Variants in MYH14 observed in about 807,000 individuals in gnomAD.
MYH14 encodes myosin-14.
Under a neutral mutation model 255.5 loss-of-function variants are expected in MYH14, and 123 were observed. That is an observed-to-expected ratio of 0.48 (90% confidence interval 0.42 to 0.56). The LOEUF (loss-of-function observed/expected upper bound fraction) is 0.56, where lower values mean the gene tolerates loss of function less well. MYH14 is among the 20% of genes least tolerant of loss of function. The pLI, the probability that MYH14 is intolerant of heterozygous loss-of-function variation, is 0.00. For missense variants in MYH14, 2,423 were observed against 2,802.3 expected (o/e 0.86, Z 3.06); for synonymous variants, 1,095 against 1,161.2 (o/e 0.94, Z 1.16).
intron 16 of MYH14, 79 bp from the exon 17 acceptor site, chr19:50,255,141 C>T (rs2034543963): frequency 1.1e-6 from 1 of 913,322 alleles, no homozygotes; most frequent in African/African-American, 1.6e-5. Context: ...CTCTCCTTCC[C>T]CTCTTTTCAT....
chr19:50,225,610 A>T lies in MYH14; in HGVS notation c.743A>T (p.Gln248Leu). 3.1e-6 allele frequency: 5 copies of T among 1,613,344 alleles called. No homozygotes were observed. Among genetic ancestry groups the T allele is most frequent in the Non-Finnish European group, 4.2e-6 (5 of 1,179,770 alleles). The stretch of plus-strand genomic sequence containing the variant: ...GGTGAGCTGGAGCGGCAGCTGCTTC[A>T]GGCCAACCCCATCCTAGAGGCCTTT... ...SYGELERQLL[Q>L]ANPILEAFGN... The change falls in exon 7 of 43, where the codon CAG becomes CTG. Residue 248 changes from glutamine (Q) to leucine (L), a missense_variant. Coordinates refer to ENST00000642316, the MANE Select transcript of MYH14 (RefSeq NM_001145809.2).
chr19:50,251,055 C>T lies in MYH14; in HGVS notation c.1830+367C>T, dbSNP rs79651910. On this transcript the variant is annotated intron_variant, in intron 15 of 42. Coordinates refer to ENST00000642316, the MANE Select transcript of MYH14 (RefSeq NM_001145809.2). ...ATGGTTTCTGTCCTCACAAAGATCCCTATCTGGGAGGGAGGCAAATACAGA... is the reference window on the plus strand; with the variant it reads ...ATGGTTTCTGTCCTCACAAAGATCCTTATCTGGGAGGGAGGCAAATACAGA... 2.6e-5 allele frequency among the ~76,000 whole-genome samples: 4 copies of T among 152,202 alleles called. No homozygotes were observed. The East Asian group carries it at 7.7e-4, about 29-fold the overall frequency.
At chr19:50,223,859 G>C (rs1214884709) in intron 5 of MYH14, among the ~76,000 whole-genome samples, 1 of 152,158 alleles carries the variant, frequency 6.6e-6, no homozygotes, top group East Asian at 1.9e-4. Flanking sequence ...TGTAATCCCA[G>C]CAGTTTGGGA....
intron 17 of MYH14, among the ~76,000 whole-genome samples, chr19:50,257,091 TG>T (rs1260809169): frequency 1.3e-5 from 2 of 152,250 alleles, no homozygotes; most frequent in Non-Finnish European, 2.9e-5. Flanking sequence ...GTTTCTAAGC[TG>T]TGTGACCTTA....
Position 50,286,663 on chromosome 19 carries a change from T to C in MYH14, c.4721T>C (p.Leu1574Pro), listed in dbSNP as rs2035900881. The part of the protein sequence containing the change: ...NRALRAELEA[L>P]LSSKDDVGKS... ...GCCCTGCGGGCTGAGCTGGAGGCAC[T>C]GCTGAGCAGCAAGGATGACGTCGGC... The change falls in exon 34 of 43, where the codon CTG becomes CCG. Residue 1574 changes from leucine to proline, a missense_variant. This residue lies in a region of MYH14 where 1,513 missense variants were observed against 1,674.8 expected (regional missense o/e 0.90). Transcript: ENST00000642316. 1.3e-6 allele frequency: 2 copies of C among 1,583,160 alleles called. No homozygotes were observed. Among genetic ancestry groups the C allele is most frequent in the Non-Finnish European group, 1.7e-6 (2 of 1,165,768 alleles).
chr19:50,307,217 A>C, intron 41 of MYH14, 60 bp downstream of exon 41: 1 of 1,067,350 alleles, frequency 9.4e-7, no homozygotes. Context: ...GAGAAATTGC[A>C]CAGGCTGTCT....
Position 50,272,548 on chromosome 19 carries a change from C to T in MYH14, c.3296-12C>T, listed in dbSNP as rs770737083. The T allele has an allele frequency of 2.6e-5, 40 of 1,560,106 alleles. No homozygotes were observed. The African/African-American group carries it at 2.6e-4, about 10-fold the overall frequency. ...TGGAGTCCTCATGCACGGCCCCCACCCCTGCCTCCAGACCGCCTACGGAAG... is the reference window on the plus strand; with the variant it reads ...TGGAGTCCTCATGCACGGCCCCCACTCCTGCCTCCAGACCGCCTACGGAAG... On this transcript the variant is annotated splice_polypyrimidine_tract_variant and intron_variant, in intron 26 of 42. Coordinates refer to ENST00000642316, the MANE Select transcript of MYH14 (RefSeq NM_001145809.2).
At chr19:50,248,961 C>T in intron 12 of MYH14, 26 bp from the exon 13 acceptor site, 3 of 1,611,916 alleles carry the variant, frequency 1.9e-6, no homozygotes, top group Non-Finnish European at 2.5e-6. Context: ...GCAGGCTGCG[C>T]CCTTACCATG....
intron 40 of MYH14, among the ~76,000 whole-genome samples, chr19:50,306,452 T>TATCA (rs762260038): frequency 1.4e-4 from 21 of 152,204 alleles, no homozygotes; most frequent in Non-Finnish European, 2.2e-4. Flanking sequence ...CCAGATGTGA[T>TATCA]GGTCCATGCA....
chr19:50,248,523 G>T (rs374763298), intron 12 of MYH14, among the ~76,000 whole-genome samples: 88 of 152,304 alleles, frequency 5.8e-4, no homozygotes, highest in Middle Eastern at 3.4e-3. Flanking sequence ...AGACCCCGTG[G>T]GGGAGATGAG....
chr19:50,228,910 A>G (rs2033240782), intron 8 of MYH14, among the ~76,000 whole-genome samples: 1 of 152,180 alleles, frequency 6.6e-6, no homozygotes, highest in South Asian at 2.1e-4. Context: ...CTGCCGGGTA[A>G]GGAGCACCAC....
At chr19:50,223,461 G>T in intron 5 of MYH14, 112 bp downstream of exon 5, 3 of 788,948 alleles carry the variant, frequency 3.8e-6, no homozygotes, top group South Asian at 3.0e-5. Context: ...TCTCCTAGAC[G>T]CCTATGCCAC....
At chr19:50,292,624 T>TGCAA (rs2036123731) in intron 37 of MYH14, among the ~76,000 whole-genome samples, 1 of 152,050 alleles carries the variant, frequency 6.6e-6, no homozygotes, top group Non-Finnish European at 1.5e-5. Context: ...TGGGTGTGTC[T>TGCAA]TACCATGTGG....
At chr19:50,296,584 G>A (rs561088458) in intron 39 of MYH14, among the ~76,000 whole-genome samples, 2 of 152,322 alleles carry the variant, frequency 1.3e-5, no homozygotes, top group African/African-American at 4.8e-5. Context: ...TCCAGCCTGG[G>A]CAACAGAGTG....
At position 50,246,941 on chromosome 19, in the gene MYH14, C is replaced by T. The variant is rs999129847; in HGVS notation, c.1211-63C>T. On this transcript the variant is annotated intron_variant, in intron 11 of 42. Coordinates refer to ENST00000642316, the MANE Select transcript of MYH14 (RefSeq NM_001145809.2). ...ACAGTGTGGGAAACGGTACCCTCTCCCTTGCTGGGCAGCAAGCACCTCTTC... is the reference window on the plus strand; with the variant it reads ...ACAGTGTGGGAAACGGTACCCTCTCTCTTGCTGGGCAGCAAGCACCTCTTC... 8.3e-6 allele frequency: 10 copies of T among 1,207,766 alleles called. No homozygotes were observed. In the African/African-American group the frequency reaches 9.0e-5, roughly 11 times the overall value. The allele number at this position is 1,207,766 out of a possible 1,614,324, so 74.8% of individuals were successfully genotyped here.
rs199996096 is a variant in MYH14, at chr19:50,280,022, G to T, written c.4033-15G>T. On this transcript the variant is annotated splice_polypyrimidine_tract_variant and intron_variant, in intron 30 of 42. Transcript: ENST00000642316. The surrounding 1 kb of genome is among the most constrained non-coding windows in gnomAD (Gnocchi z 4.8). Reference sequence around the variant, plus strand: ...GCCACGATTGGAGGGCTTCATTCCCGTCCCTTCCCTGCAGGCTGAACTGGA... The same window carrying T: ...GCCACGATTGGAGGGCTTCATTCCCTTCCCTTCCCTGCAGGCTGAACTGGA... 3 of 1,593,200 alleles carry T rather than the reference G, an allele frequency of 1.9e-6. No homozygotes were observed. The highest frequency in any genetic ancestry group is 1.7e-5 in the Admixed American group (1 of 57,296).
chr19:50,256,900 G>A (rs1158500095), intron 17 of MYH14, among the ~76,000 whole-genome samples: 1 of 152,202 alleles, frequency 6.6e-6, no homozygotes, highest in Non-Finnish European at 1.5e-5. Flanking sequence ...GGCTTATAAA[G>A]CCATTGATGT....
rs1358594258 is a variant in MYH14, at chr19:50,232,077, G to A, written c.1114+7G>A. ...AGCCACGAGGAAATCATCTGTGAGT[G>A]AGCCCCGTGGAGGCCAGGGGTAGGG... On this transcript the variant is annotated splice_region_variant and intron_variant, in intron 10 of 42. Transcript: ENST00000642316. The A allele has an allele frequency of 8.7e-6, 14 of 1,610,490 alleles. No individual in the cohort carries two copies. The Admixed American group carries it at 2.2e-4, about 25-fold the overall frequency.
intron 3 of MYH14, among the ~76,000 whole-genome samples, chr19:50,218,410 C>T (rs1359363341): frequency 6.6e-6 from 1 of 151,842 alleles, no homozygotes; most frequent in East Asian, 2.0e-4. Context: ...TTCTGGCTAA[C>T]ACGGTGAAAC....
Sources: gnomAD v4.1 joint callset for allele counts (sites outside exome capture counted in the v4.1 genomes callset) on GRCh38, gnomAD v4.1.1 for gene constraint, gnomAD v4.1.1 regional missense constraint, Gnocchi (gnomAD v3.1) non-coding constraint, MANE v1.5 for transcripts, NCBI Gene and HGNC (gene_info 2026-07-23, HGNC 2026-07-21) for gene names.